Variants in DLGAP1 observed in about 807,000 individuals in gnomAD.
The protein encoded by DLGAP1 is DLG associated protein 1.
A neutral mutation model predicts 90.8 loss-of-function variants in DLGAP1; 11 were observed. That is an observed-to-expected ratio of 0.12 (90% CI 0.08 to 0.20). DLGAP1 has a LOEUF of 0.20. DLGAP1 is among the 10% of genes least tolerant of loss of function. The pLI, the probability that DLGAP1 is intolerant of heterozygous loss-of-function variation, is 1.00. For missense variants in DLGAP1, 1,050 were observed against 1,333.8 expected, an observed-to-expected ratio of 0.79 and a Z score of 3.31; for synonymous variants, 558 against 540.7, an observed-to-expected ratio of 1.03 and a Z score of -0.44.
At chr18:4,220,598 C>A (rs944219793) in intron 1 of DLGAP1, among the ~76,000 whole-genome samples, 18 of 152,064 alleles carry the variant, frequency 1.2e-4, no homozygotes, top group Admixed American at 4.6e-4. Flanking sequence ...TTTTTCAAAA[C>A]GTTTCCATTT....
chr18:3,583,132 C>CCTGA (rs2055627399), intron 7 of DLGAP1, among the ~76,000 whole-genome samples: 2 of 146,258 alleles, frequency 1.4e-5, no homozygotes, highest in African/African-American at 2.5e-5. Flanking sequence ...TGTCTTTCTG[C>CCTGA]CTGACTGACC....
At chr18:4,295,860 A>G (rs997748988) in intron 1 of DLGAP1, among the ~76,000 whole-genome samples, 1 of 152,226 alleles carries the variant, frequency 6.6e-6, no homozygotes, top group Non-Finnish European at 1.5e-5. Context: ...AAAGGCCTCC[A>G]GCTATGCTTG....
intron 3 of DLGAP1, among the ~76,000 whole-genome samples, chr18:3,883,920 G>A (rs566209073): frequency 1.3e-5 from 2 of 152,312 alleles, no homozygotes; most frequent in East Asian, 3.9e-4. Flanking sequence ...AAAGTCTGGG[G>A]AGTTTGCCTA....
Position 3,573,051 on chromosome 18 carries a change from G to T in DLGAP1, c.1966-5470C>A, listed in dbSNP as rs2054900295. Reference sequence around the variant, plus strand: ...GATGAATCACAAAAAGATCAGTAAAGGTATATTATTTTTAAAAATATATAT... The same window carrying T: ...GATGAATCACAAAAAGATCAGTAAATGTATATTATTTTTAAAAATATATAT... On this transcript the variant is annotated intron_variant, in intron 8 of 12. Coordinates refer to ENST00000315677, the MANE Select transcript of DLGAP1 (RefSeq NM_004746.4). Among the ~76,000 whole-genome samples, 3 of 151,820 alleles carry T rather than the reference G, an allele frequency of 2.0e-5. No homozygotes were observed. The South Asian group carries it at 6.2e-4, about 31-fold the overall frequency.
At chr18:3,860,317 A>G (rs1370892441) in intron 4 of DLGAP1, among the ~76,000 whole-genome samples, 1 of 152,090 alleles carries the variant, frequency 6.6e-6, no homozygotes, top group Non-Finnish European at 1.5e-5. Flanking sequence ...TTTTTCAGGC[A>G]TAATAATAAT....
chr18:3,859,773 T>C (rs1020269076), intron 4 of DLGAP1, among the ~76,000 whole-genome samples: 1 of 152,142 alleles, frequency 6.6e-6, no homozygotes, highest in Non-Finnish European at 1.5e-5. Context: ...AGACCCATTG[T>C]GGACTTGTAA....
At position 3,556,365 on chromosome 18, in the gene DLGAP1, G is replaced by A. The variant is rs529814294; in HGVS notation, c.2057+11125C>T. 9.9e-5 allele frequency among the ~76,000 whole-genome samples: 15 copies of A among 152,168 alleles called. 1 individual carries two copies. In the South Asian group the frequency reaches 1.7e-3, roughly 17 times the overall value. On this transcript the variant is annotated intron_variant, in intron 9 of 12. Coordinates refer to ENST00000315677, the MANE Select transcript of DLGAP1 (RefSeq NM_004746.4). The stretch of plus-strand genomic sequence containing the variant: ...GGTGTTGTACATTCTCGTATCCACC[G>A]TTGCATTATACATTCAGAATCGTTT...
At chr18:4,433,009 A>C (rs991774603) in intron 1 of DLGAP1, among the ~76,000 whole-genome samples, 4 of 152,150 alleles carry the variant, frequency 2.6e-5, no homozygotes, top group African/African-American at 9.7e-5. Context: ...CTAGGATATA[A>C]ATTTTTCAGC....
intron 3 of DLGAP1, among the ~76,000 whole-genome samples, chr18:3,912,036 A>T (rs924558542): frequency 6.6e-6 from 1 of 152,178 alleles, no homozygotes; most frequent in Non-Finnish European, 1.5e-5. Flanking sequence ...CTTCAGGCTG[A>T]TATGTGCTGA....
intron 1 of DLGAP1, among the ~76,000 whole-genome samples, chr18:4,356,167 T>A (rs79860574): frequency 7.0e-6 from 1 of 141,948 alleles, no homozygotes; most frequent in Middle Eastern, 3.7e-3. Flanking sequence ...ACTCTCCCGA[T>A]TTTTTTTTTC....
intron 1 of DLGAP1, among the ~76,000 whole-genome samples, chr18:4,168,490 A>G (rs1010646508): frequency 1.4e-4 from 21 of 152,176 alleles, no homozygotes; most frequent in African/African-American, 5.1e-4. Context: ...ACCACTATCT[A>G]TATTCACAGC....
intron 2 of DLGAP1, among the ~76,000 whole-genome samples, chr18:4,053,374 AACTC>A (rs999542828): frequency 6.6e-6 from 1 of 152,118 alleles, no homozygotes; most frequent in African/African-American, 2.4e-5. Flanking sequence ...GTCTTGTGAG[AACTC>A]ACTCACTATC....
chr18:3,643,765 A>G (rs1266369163), intron 7 of DLGAP1, among the ~76,000 whole-genome samples: 3 of 152,154 alleles, frequency 2.0e-5, no homozygotes, highest in African/African-American at 7.2e-5. Context: ...GCTCATAATA[A>G]GAGTATTACA....
chr18:3,728,103 T>C (rs1268356590), intron 7 of DLGAP1, among the ~76,000 whole-genome samples: 1 of 152,120 alleles, frequency 6.6e-6, no homozygotes, highest in Non-Finnish European at 1.5e-5. Context: ...ATTACTGACA[T>C]TTGATGCACC....
intron 2 of DLGAP1, among the ~76,000 whole-genome samples, chr18:4,124,578 A>G (rs1342028859): frequency 6.6e-6 from 1 of 152,244 alleles, no homozygotes; most frequent in African/African-American, 2.4e-5. Flanking sequence ...AATTTGAAAC[A>G]ATGGCCTTGT....
intron 1 of DLGAP1, among the ~76,000 whole-genome samples, chr18:4,385,854 A>C (rs2082219494): frequency 1.3e-5 from 2 of 152,202 alleles, no homozygotes; most frequent in African/African-American, 4.8e-5. Context: ...ACATGCCTGT[A>C]AATTGGCACT....
intron 7 of DLGAP1, among the ~76,000 whole-genome samples, chr18:3,667,081 A>AT (rs112725906): frequency 0.14 from 20,125 of 142,970 alleles, 1,486 homozygotes; most frequent in Non-Finnish European, 0.18. Context: ...TAATTTGTCA[A>AT]TTTTTTTTTT....
intron 2 of DLGAP1, among the ~76,000 whole-genome samples, chr18:4,061,548 C>T (rs1039701803): frequency 6.6e-6 from 1 of 152,014 alleles, no homozygotes; most frequent in Middle Eastern, 3.2e-3. Context: ...AAAATCTTAT[C>T]TTATGGTCAA....
chr18:4,161,410 A>G (rs1012228186), intron 1 of DLGAP1, among the ~76,000 whole-genome samples: 4 of 152,186 alleles, frequency 2.6e-5, no homozygotes, highest in Non-Finnish European at 4.4e-5. Flanking sequence ...ATGTCCCTGT[A>G]AAGGACATGA....
Sources: allele counts gnomAD v4.1 joint callset (sites outside exome capture counted in the v4.1 genomes callset), GRCh38; gene constraint gnomAD v4.1.1; transcripts MANE v1.5; gene names NCBI Gene and HGNC (gene_info 2026-07-23, HGNC 2026-07-21).